Variants in RUVBL1 observed in about 807,000 individuals in gnomAD.
The protein encoded by RUVBL1 is RuvB like AAA ATPase 1.
A neutral mutation model predicts 52.4 loss-of-function variants in RUVBL1; 4 were observed. The ratio of observed to expected loss-of-function variants is 0.08; its 90% CI spans 0.04 to 0.17. RUVBL1 has a LOEUF of 0.17. Among genes scored for constraint, RUVBL1 ranks in the 10% least tolerant of loss-of-function variants. RUVBL1 has a pLI of 1.00. For synonymous variants in RUVBL1, 217 were observed against 214.4 expected (o/e 1.01, Z -0.10); for missense variants, 298 against 572.8 (o/e 0.52, Z 4.90).
At chr3:128,102,720 T>C (rs548469274) in intron 4 of RUVBL1, among the ~76,000 whole-genome samples, 57 of 152,382 alleles carry the variant, frequency 3.7e-4, no homozygotes, top group African/African-American at 1.3e-3. Context: ...AGGATTCTTT[T>C]TGGGGCGATG....
At chr3:128,109,170 C>T (rs952847421) in intron 3 of RUVBL1, among the ~76,000 whole-genome samples, 3 of 152,132 alleles carry the variant, frequency 2.0e-5, no homozygotes, top group East Asian at 1.9e-4. Flanking sequence ...TCTGTTCCTT[C>T]GGTGGTGACG....
At chr3:128,100,460 A>T in intron 6 of RUVBL1, 135 bp downstream of exon 6, 1 of 999,938 alleles carries the variant, frequency 1.0e-6, no homozygotes, top group Non-Finnish European at 1.4e-6. Context: ...TGTCGATGTT[A>T]ATTGCTGAAC....
upstream of RUVBL1, among the ~76,000 whole-genome samples, chr3:128,125,675 T>C (rs1322660918): frequency 6.6e-6 from 1 of 152,230 alleles, no homozygotes; most frequent in Non-Finnish European, 1.5e-5. Context: ...AATGGAATCT[T>C]TTGGCATTTT....
chr3:128,112,327 G>A lies in RUVBL1; in HGVS notation c.361+561C>T, dbSNP rs187446429. 3.3e-5 allele frequency among the ~76,000 whole-genome samples: 5 copies of A among 152,312 alleles called. No individual in the cohort carries two copies. In the South Asian group the frequency reaches 6.2e-4, roughly 19 times the overall value. ...CTTCTGAGACTGCTTCTTCAAATGC[G>A]AAATGTAGATTGATAATCTCCCCTC... is the stretch of plus-strand genomic sequence containing the variant. On this transcript the variant is annotated intron_variant, in intron 3 of 10. Transcript: ENST00000322623.
downstream of RUVBL1, among the ~76,000 whole-genome samples, chr3:128,077,785 G>A (rs955110062): frequency 2.6e-5 from 4 of 152,230 alleles, no homozygotes; most frequent in Non-Finnish European, 5.9e-5. Context: ...AGCTGTCTGC[G>A]ATAGGGAGGG....
exon 1 of RUVBL1, chr3:128,153,866 CGGA>C: frequency 2.7e-6 from 4 of 1,457,558 alleles, no homozygotes; most frequent in Non-Finnish European, 3.6e-6. Flanking sequence ...GGGACGCGGG[CGGA>C]GCGACCGGGC....
At chr3:128,148,948 G>A (rs2107739422) in intron 1 of RUVBL1, among the ~76,000 whole-genome samples, 1 of 151,896 alleles carries the variant, frequency 6.6e-6, no homozygotes, top group East Asian at 1.9e-4. Context: ...TTTCATTATG[G>A]AAAACTTTGA....
intron 1 of RUVBL1, among the ~76,000 whole-genome samples, chr3:128,147,854 A>G (rs750398850): frequency 6.6e-6 from 1 of 152,224 alleles, no homozygotes; most frequent in Admixed American, 6.5e-5. Context: ...ATGCCCTTCA[A>G]CAGGTGACTG....
chr3:128,151,652 C>G (rs371588288), intron 1 of RUVBL1, among the ~76,000 whole-genome samples: 1 of 152,070 alleles, frequency 6.6e-6, no homozygotes, highest in African/African-American at 2.4e-5. Flanking sequence ...TGTAAGGACC[C>G]TAATCCCATC....
At chr3:128,119,436 A>T (rs760229238) in intron 1 of RUVBL1, 22 bp from the exon 2 acceptor site, 3 of 1,581,880 alleles carry the variant, frequency 1.9e-6, no homozygotes, top group Non-Finnish European at 2.6e-6. Context: ...AATGGAAAGA[A>T]ATAATAAATC....
At chr3:128,125,550 G>A (rs1324664429), upstream of RUVBL1, among the ~76,000 whole-genome samples, 1 of 152,216 alleles carries the variant, frequency 6.6e-6, no homozygotes, top group East Asian at 1.9e-4. Flanking sequence ...GGCTTCTCAT[G>A]AATTCAATTA....
At chr3:128,139,984 T>A (rs1223199279) in intron 1 of RUVBL1, among the ~76,000 whole-genome samples, 1 of 152,132 alleles carries the variant, frequency 6.6e-6, no homozygotes, top group Non-Finnish European at 1.5e-5. Flanking sequence ...GTGACTATAG[T>A]CAACAATAAC....
chr3:128,093,450 A>AC (rs1942897084), intron 8 of RUVBL1, among the ~76,000 whole-genome samples: 2 of 115,568 alleles, frequency 1.7e-5, no homozygotes, highest in African/African-American at 1.5e-4. Context: ...TAGAAATCAC[A>AC]AAAAAAAACT....
intron 3 of RUVBL1, among the ~76,000 whole-genome samples, chr3:128,112,180 C>T (rs979975174): frequency 1.3e-5 from 2 of 152,160 alleles, no homozygotes; most frequent in African/African-American, 2.4e-5. Flanking sequence ...AGCAAAAATT[C>T]GAAAGAGAAG....
At chr3:128,106,466 C>T (rs367577436) in intron 3 of RUVBL1, among the ~76,000 whole-genome samples, 11 of 152,086 alleles carry the variant, frequency 7.2e-5, no homozygotes, top group South Asian at 2.1e-4. Context: ...TATCCCCCCC[C>T]CCTTCACACA....
intron 2 of RUVBL1, 27 bp downstream of exon 2, chr3:128,119,301 A>G: frequency 6.3e-7 from 1 of 1,585,928 alleles, no homozygotes; most frequent in African/African-American, 1.3e-5. Flanking sequence ...TCCTGGGTAG[A>G]TTTAAAAAAT....
At chr3:128,094,758 T>A (rs1025653907) in intron 8 of RUVBL1, among the ~76,000 whole-genome samples, 7 of 152,188 alleles carry the variant, frequency 4.6e-5, no homozygotes, top group Non-Finnish European at 1.0e-4. Flanking sequence ...TCCCCCTCTC[T>A]TTCCTTCGGA....
At chr3:128,136,221 T>TA (rs1943945151) in intron 1 of RUVBL1, among the ~76,000 whole-genome samples, 2 of 149,112 alleles carry the variant, frequency 1.3e-5, no homozygotes, top group South Asian at 4.3e-4. Context: ...AAGACACAAA[T>TA]AATCAGAAAA....
At chr3:128,137,779 C>T (rs556327435) in intron 1 of RUVBL1, among the ~76,000 whole-genome samples, 18 of 152,188 alleles carry the variant, frequency 1.2e-4, no homozygotes, top group East Asian at 1.9e-4. Flanking sequence ...TGAACATTAA[C>T]GCAAAAGTCC....
Sources: gnomAD v4.1 joint callset for allele counts (sites outside exome capture counted in the v4.1 genomes callset) on GRCh38, gnomAD v4.1.1 for gene constraint, MANE v1.5 for transcripts, NCBI Gene and HGNC (gene_info 2026-07-23, HGNC 2026-07-21) for gene names.